ADARB2: variants seen among roughly 807,000 people sequenced by gnomAD.
ADARB2 encodes adenosine deaminase RNA specific B2 (inactive), also known as inactive double-stranded RNA-specific editase B2.
ADARB2 carries 25 observed loss-of-function variants against 62.2 expected under a neutral mutation model. That is an observed-to-expected ratio of 0.40 (90% CI 0.29 to 0.56). The LOEUF is 0.56. Ranked by LOEUF, ADARB2 falls within the 20% of genes least tolerant of loss-of-function variation. The pLI, the probability that ADARB2 is intolerant of heterozygous loss-of-function variation, is 0.43. For synonymous variants in ADARB2, 572 were observed against 500.8 expected, an observed-to-expected ratio of 1.14 and a Z score of -1.90; for missense variants, 1,071 against 1,077.4, an observed-to-expected ratio of 0.99 and a Z score of 0.08.
At chr10:1,531,962 T>G (rs1832248419) in intron 1 of ADARB2, among the ~76,000 whole-genome samples, 1 of 152,256 alleles carries the variant, frequency 6.6e-6, no homozygotes, top group Non-Finnish European at 1.5e-5. Context: ...GTGTATTTTC[T>G]GTGTGTTGTT....
intron 1 of ADARB2, among the ~76,000 whole-genome samples, chr10:1,609,341 G>A (rs981794233): frequency 1.3e-5 from 2 of 152,200 alleles, no homozygotes; most frequent in Non-Finnish European, 2.9e-5. Context: ...GGTCACAGCG[G>A]GTTTGTCTCC....
chr10:1,285,921 T>A (rs1236513848), intron 3 of ADARB2, among the ~76,000 whole-genome samples: 4 of 152,226 alleles, frequency 2.6e-5, no homozygotes, highest in African/African-American at 4.8e-5. Context: ...TTAGTAAATA[T>A]TTTCCTGTTG....
rs118186762 is a variant in ADARB2 at position 1,217,839 on chromosome 10, C to T, written c.1514-720G>A. ...GCTGTGTCCCCTAATTACCAAGGGT[C>T]GCCATGGGCAGGAGCTCCGCCAGGC... is the stretch of plus-strand genomic sequence containing the variant. On this transcript the variant is annotated intron_variant, in intron 6 of 9. Coordinates refer to ENST00000381312, the MANE Select transcript of ADARB2 (RefSeq NM_018702.4). Among the ~76,000 whole-genome samples the T allele has an allele frequency of 3.2e-3, 492 of 152,140 alleles. 1 individual carries two copies. The highest frequency in any genetic ancestry group is 5.9e-3 in the Non-Finnish European group (400 of 68,004).
At chr10:1,539,466 T>C (rs1832382241) in intron 1 of ADARB2, among the ~76,000 whole-genome samples, 2 of 152,334 alleles carry the variant, frequency 1.3e-5, no homozygotes, top group East Asian at 3.9e-4. Context: ...CCTGTTGGTG[T>C]TGAAGTGCAA....
intron 3 of ADARB2, among the ~76,000 whole-genome samples, chr10:1,351,429 A>C (rs1832138090): frequency 1.3e-5 from 2 of 151,410 alleles, no homozygotes; most frequent in African/African-American, 2.4e-5. Flanking sequence ...AAAACTCCCC[A>C]ACTCTGGTGC....
At chr10:1,609,045 C>T (rs921614490) in intron 1 of ADARB2, among the ~76,000 whole-genome samples, 3 of 152,124 alleles carry the variant, frequency 2.0e-5, no homozygotes, top group African/African-American at 7.2e-5. Context: ...ACCCGAAACG[C>T]CCACCAAACT....
chr10:1,214,728 G>C (rs1221477902), intron 7 of ADARB2, among the ~76,000 whole-genome samples: 1 of 152,246 alleles, frequency 6.6e-6, no homozygotes, highest in Non-Finnish European at 1.5e-5. Flanking sequence ...AATTTCAGTT[G>C]AGGTGAAAAT....
chr10:1,537,955 T>C (rs981538417), intron 1 of ADARB2, among the ~76,000 whole-genome samples: 1 of 152,352 alleles, frequency 6.6e-6, no homozygotes, highest in East Asian at 1.9e-4. Context: ...GTTCTGCACA[T>C]GTATCCTGGA....
intron 1 of ADARB2, among the ~76,000 whole-genome samples, chr10:1,685,894 A>AGGGCGGAC (rs1213100646): frequency 6.6e-6 from 1 of 152,182 alleles, no homozygotes; most frequent in Non-Finnish European, 1.5e-5. Flanking sequence ...GAGTATGTGC[A>AGGGCGGAC]GGGCGGACGT....
intron 1 of ADARB2, among the ~76,000 whole-genome samples, chr10:1,558,767 G>A (rs12767862): frequency 0.21 from 1,293 of 6,074 alleles, 2 homozygotes; most frequent in East Asian, 0.3. Context: ...GCCCCACTCC[G>A]TGGGTGCTCA....
intron 1 of ADARB2, among the ~76,000 whole-genome samples, chr10:1,532,385 C>T (rs927330656): frequency 5.9e-5 from 9 of 152,194 alleles, no homozygotes; most frequent in African/African-American, 2.2e-4. Flanking sequence ...CCCGTGATCT[C>T]CCGCTCTGAT....
At chr10:1,216,307 G>A (rs964346077) in intron 7 of ADARB2, 2 of 152,162 alleles carry the variant, frequency 1.3e-5, no homozygotes, top group African/African-American at 4.9e-5. Context: ...TCAGACCAAG[G>A]TTGGGGGAGG....
At chr10:1,709,743 T>A (rs1286882276) in intron 1 of ADARB2, among the ~76,000 whole-genome samples, 2 of 152,192 alleles carry the variant, frequency 1.3e-5, no homozygotes, top group African/African-American at 4.8e-5. Context: ...CATGCCTAGC[T>A]CTTCTTACAG....
At position 1,231,493 on chromosome 10, in the gene ADARB2, G is replaced by C. The variant is rs944187844; in HGVS notation, c.1513+2201C>G. 3.3e-5 allele frequency among the ~76,000 whole-genome samples: 5 copies of C among 152,230 alleles called. No individual in the cohort carries two copies. The East Asian group carries it at 7.7e-4, about 24-fold the overall frequency. On this transcript the variant is annotated intron_variant, in intron 6 of 9. Transcript: ENST00000381312. Reference sequence around the variant, plus strand: ...TCTCTTCCTGAGTTGGCCTGGTAGTGGGGGGTGCCCTGTGTGATCTTGTGG... The same window carrying C: ...TCTCTTCCTGAGTTGGCCTGGTAGTCGGGGGTGCCCTGTGTGATCTTGTGG...
intron 1 of ADARB2, among the ~76,000 whole-genome samples, chr10:1,676,774 T>C (rs985365836): frequency 1.3e-5 from 1 of 77,198 alleles, no homozygotes; most frequent in African/African-American, 4.5e-5. Flanking sequence ...ACACTCGTAT[T>C]ATTCATTTTA....
At chr10:1,647,694 G>A (rs1834061686) in intron 1 of ADARB2, among the ~76,000 whole-genome samples, 1 of 151,908 alleles carries the variant, frequency 6.6e-6, no homozygotes, top group Admixed American at 6.6e-5. Flanking sequence ...GTGTGTATGT[G>A]TGCATATATG....
rs2805510 is a variant in ADARB2 at position 1,382,973 on chromosome 10, T to G, written c.101-3813A>C. ...AACTGACCTGGGGGACGCAGTGGCC[T>G]GGGGCCGGCCCTGGTCTAAGAGTCA... On this transcript the variant is annotated intron_variant, in intron 1 of 9. Coordinates refer to ENST00000381312, the MANE Select transcript of ADARB2 (RefSeq NM_018702.4). Among the ~76,000 whole-genome samples, 7 of 152,342 alleles carry G rather than the reference T, an allele frequency of 4.6e-5. No individual in the cohort carries two copies. In the South Asian group the frequency reaches 1.4e-3, roughly 32 times the overall value.
chr10:1,517,638 TGAG>T (rs1336369720), intron 1 of ADARB2, among the ~76,000 whole-genome samples: 2 of 152,204 alleles, frequency 1.3e-5, no homozygotes, highest in Non-Finnish European at 2.9e-5. Flanking sequence ...CGCTTAATAA[TGAG>T]GATTTTGTCA....
chr10:1,287,742 G>A (rs1340350381), intron 3 of ADARB2, among the ~76,000 whole-genome samples: 1 of 152,192 alleles, frequency 6.6e-6, no homozygotes, highest in Non-Finnish European at 1.5e-5. Flanking sequence ...TTAATTACAT[G>A]TACCTTTATT....
Sources: gnomAD v4.1 joint callset for allele counts (sites outside exome capture counted in the v4.1 genomes callset) on GRCh38, gnomAD v4.1.1 for gene constraint, MANE v1.5 for transcripts, NCBI Gene and HGNC (gene_info 2026-07-23, HGNC 2026-07-21) for gene names.